ASIC2: variants seen among roughly 807,000 people sequenced by gnomAD.
The protein encoded by ASIC2 is acid-sensing ion channel 2.
Under a neutral mutation model 57.3 loss-of-function variants are expected in ASIC2, and 25 were observed. The ratio of observed to expected loss-of-function variants is 0.44; its 90% confidence interval spans 0.32 to 0.61. ASIC2 has a LOEUF of 0.61. ASIC2 is among the 20% of genes least tolerant of loss of function. ASIC2 has a pLI of 0.06. For missense variants in ASIC2, 641 were observed against 738.1 expected, an observed-to-expected ratio of 0.87 and a Z score of 1.52; for synonymous variants, 319 against 307.5, an observed-to-expected ratio of 1.04 and a Z score of -0.39.
intron 1 of ASIC2, among the ~76,000 whole-genome samples, chr17:33,912,966 G>A (rs796880861): frequency 1.3e-5 from 2 of 151,744 alleles, no homozygotes; most frequent in Non-Finnish European, 2.9e-5. Context: ...CAACAAGAGC[G>A]AAACTCTGTC....
intron 1 of ASIC2, among the ~76,000 whole-genome samples, chr17:33,177,664 C>T (rs555628542): frequency 2.3e-4 from 35 of 152,262 alleles, no homozygotes; most frequent in Non-Finnish European, 3.2e-4. Context: ...TGTCTGCTCA[C>T]GTGCTTATTT....
chr17:34,108,247 A>G (rs1911135866), intron 1 of ASIC2, among the ~76,000 whole-genome samples: 1 of 152,180 alleles, frequency 6.6e-6, no homozygotes, highest in South Asian at 2.1e-4. Flanking sequence ...ATTTTTTGAA[A>G]TCTCAAATAT....
chr17:33,769,534 A>G (rs1911034526), intron 1 of ASIC2, among the ~76,000 whole-genome samples: 1 of 152,256 alleles, frequency 6.6e-6, no homozygotes, highest in East Asian at 1.9e-4. Flanking sequence ...GAGGTAAATG[A>G]CAGTAGTTGT....
At chr17:33,737,650 G>T (rs1223915070) in intron 1 of ASIC2, among the ~76,000 whole-genome samples, 3 of 141,954 alleles carry the variant, frequency 2.1e-5, no homozygotes, top group Non-Finnish European at 4.7e-5. Flanking sequence ...GCACCAATGT[G>T]TAAAATACCC....
intron 1 of ASIC2, among the ~76,000 whole-genome samples, chr17:33,321,186 G>A (rs1382106560): frequency 1.3e-5 from 2 of 152,168 alleles, no homozygotes; most frequent in African/African-American, 2.4e-5. Context: ...CACATAGCAG[G>A]CATAAAGTAA....
At chr17:33,403,300 G>A (rs1910347699) in intron 1 of ASIC2, among the ~76,000 whole-genome samples, 2 of 112,486 alleles carry the variant, frequency 1.8e-5, no homozygotes, top group African/African-American at 3.2e-5. Flanking sequence ...TTAGAGGTGG[G>A]CACACAGCTT....
chr17:33,319,537 A>T (rs1042800068), intron 1 of ASIC2, among the ~76,000 whole-genome samples: 1 of 152,200 alleles, frequency 6.6e-6, no homozygotes. Context: ...ATAGATGCAT[A>T]TATTTATGGG....
At chr17:33,843,420 G>A (rs2141909924) in intron 1 of ASIC2, among the ~76,000 whole-genome samples, 1 of 152,258 alleles carries the variant, frequency 6.6e-6, no homozygotes, top group East Asian at 1.9e-4. Context: ...AATTAATGTG[G>A]CATTTTAATA....
intron 1 of ASIC2, among the ~76,000 whole-genome samples, chr17:34,048,597 G>C (rs1908424928): frequency 6.6e-6 from 1 of 152,194 alleles, no homozygotes; most frequent in Admixed American, 6.5e-5. Flanking sequence ...CTGAATCCCA[G>C]TTCTGGCACT....
At chr17:33,194,494 C>A (rs1906549359) in intron 1 of ASIC2, among the ~76,000 whole-genome samples, 1 of 152,164 alleles carries the variant, frequency 6.6e-6, no homozygotes. Flanking sequence ...AAAAATACAG[C>A]ACCTGTGAAC....
At chr17:33,549,387 G>A (rs1385356644) in intron 1 of ASIC2, among the ~76,000 whole-genome samples, 1 of 152,124 alleles carries the variant, frequency 6.6e-6, no homozygotes, top group Non-Finnish European at 1.5e-5. Flanking sequence ...TGGGGTCCGT[G>A]CAAGTCTGCA....
chr17:33,315,983 C>A (rs1442301306), intron 1 of ASIC2, among the ~76,000 whole-genome samples: 1 of 152,128 alleles, frequency 6.6e-6, no homozygotes, highest in Non-Finnish European at 1.5e-5. Flanking sequence ...TAGTGCCCTC[C>A]CCCTTCTGTG....
chr17:34,142,055 T>C (rs1468338479), intron 1 of ASIC2, among the ~76,000 whole-genome samples: 2 of 152,216 alleles, frequency 1.3e-5, no homozygotes, highest in Non-Finnish European at 2.9e-5. Flanking sequence ...CCCGGGGGAA[T>C]GAAGTATTCT....
chr17:33,955,961 C>T (rs574846561), intron 1 of ASIC2, among the ~76,000 whole-genome samples: 32 of 152,062 alleles, frequency 2.1e-4, no homozygotes, highest in Non-Finnish European at 4.7e-4. Flanking sequence ...GGGATAGTTC[C>T]TATCTCTTGA....
intron 1 of ASIC2, among the ~76,000 whole-genome samples, chr17:33,429,564 G>C (rs1425293707): frequency 6.6e-6 from 1 of 151,998 alleles, no homozygotes; most frequent in Non-Finnish European, 1.5e-5. Flanking sequence ...CTAATTGTTT[G>C]TATTTTTAGT....
At chr17:34,116,125 G>A (rs1258650652) in intron 1 of ASIC2, among the ~76,000 whole-genome samples, 1 of 152,176 alleles carries the variant, frequency 6.6e-6, no homozygotes, top group Non-Finnish European at 1.5e-5. Flanking sequence ...TTTGACCTTT[G>A]GTCTCCTGCA....
At chr17:33,329,189 G>T (rs571473314) in intron 1 of ASIC2, among the ~76,000 whole-genome samples, 1 of 152,136 alleles carries the variant, frequency 6.6e-6, no homozygotes, top group Non-Finnish European at 1.5e-5. Context: ...ATTGTGTGAT[G>T]GTGGTAAAAT....
At chr17:34,032,649 A>T (rs908481442) in intron 1 of ASIC2, among the ~76,000 whole-genome samples, 83 of 152,220 alleles carry the variant, frequency 5.5e-4, no homozygotes, top group Non-Finnish European at 2.5e-4. Flanking sequence ...ATAGGCTCAA[A>T]ATAAAGGGAT....
intron 1 of ASIC2, among the ~76,000 whole-genome samples, chr17:33,582,193 A>G (rs1261124331): frequency 6.6e-6 from 1 of 152,180 alleles, no homozygotes; most frequent in East Asian, 1.9e-4. Context: ...AAAATAGGAG[A>G]CTGTCACTTA....
Sources: allele counts gnomAD v4.1 joint callset (sites outside exome capture counted in the v4.1 genomes callset), GRCh38; gene constraint gnomAD v4.1.1; transcripts MANE v1.5; gene names NCBI Gene and HGNC (gene_info 2026-07-23, HGNC 2026-07-21).